LRP1B: variants seen among roughly 807,000 people sequenced by gnomAD.
LRP1B encodes LDL receptor related protein 1B.
In LRP1B, 217 loss-of-function variants were observed where a neutral mutation model predicts 556.6. The ratio of observed to expected loss-of-function variants is 0.39; its 90% CI spans 0.35 to 0.44. The LOEUF is 0.44. Among genes scored for constraint, LRP1B ranks in the 20% least tolerant of loss-of-function variants. LRP1B has a pLI of 1.00. For synonymous variants in LRP1B, 2,047 were observed against 1,865.8 expected, an observed-to-expected ratio of 1.10 and a Z score of -2.50; for missense variants, 5,053 against 5,620.8, an observed-to-expected ratio of 0.90 and a Z score of 3.23.
At chr2:140,438,357 TTATAAGG>T (rs1336871752) in intron 66 of LRP1B, among the ~76,000 whole-genome samples, 2 of 152,044 alleles carry the variant, frequency 1.3e-5, no homozygotes, top group Non-Finnish European at 2.9e-5. Context: ...GAAAAAAGAG[TTATAAGG>T]TATAAGAATA....
chr2:141,192,621 G>A (rs1681567191), intron 6 of LRP1B, among the ~76,000 whole-genome samples: 1 of 151,026 alleles, frequency 6.6e-6, no homozygotes, highest in African/African-American at 2.4e-5. Context: ...AAAGTCACCT[G>A]GATTTTGCTC....
intron 23 of LRP1B, among the ~76,000 whole-genome samples, chr2:140,895,561 G>C (rs138623850): frequency 2.6e-5 from 4 of 152,150 alleles, no homozygotes; most frequent in Admixed American, 1.3e-4. Flanking sequence ...GCATGTTACC[G>C]TGCGCTCTTT....
intron 66 of LRP1B, among the ~76,000 whole-genome samples, chr2:140,411,644 T>C (rs932869868): frequency 1.3e-5 from 2 of 152,110 alleles, no homozygotes; most frequent in African/African-American, 2.4e-5. Context: ...GTTACTTATA[T>C]GGAGAAATGA....
In LRP1B at chr2:141,486,939, T is replaced by C. The variant is rs1178104168; in HGVS notation, c.206-6406A>G. Among the ~76,000 whole-genome samples the C allele has an allele frequency of 2.0e-5, 3 of 152,164 alleles. No homozygotes were observed. The East Asian group carries it at 5.8e-4, about 29-fold the overall frequency. On this transcript the variant is annotated intron_variant, in intron 2 of 90. Coordinates refer to ENST00000389484, the MANE Select transcript of LRP1B (RefSeq NM_018557.3). ...AGGGCCTCTGTGGTCCCGGCCACAG[T>C]GAAGCCAGAGACATGCGAAGTCCTC...
Position 141,480,507 on chromosome 2 carries a change from G to T in LRP1B, c.232C>A (p.Pro78Thr), listed in dbSNP as rs752565610. The T allele has an allele frequency of 4.8e-5, 78 of 1,613,726 alleles. No homozygotes were observed. Among genetic ancestry groups the T allele is most frequent in the Non-Finnish European group, 5.8e-5 (68 of 1,179,902 alleles). Residue 78 changes from proline (P) to threonine (T), a missense_variant, in exon 3 of 91, where the codon CCC becomes ACC. Around this residue, in one of 5 missense-constraint regions of LRP1B, gnomAD observed 3,619 missense variants for 3,931.9 expected, o/e 0.92. Coordinates refer to ENST00000389484, the MANE Select transcript of LRP1B (RefSeq NM_018557.3). ...TCPEEVEIKC[P>T]LNHIACLGTN... ...CCAAGGCAAGCAATGTGATTCAAGG[G>T]GCACTTGATTTCTACCTCCTCGGGA...
chr2:140,603,741 G>A (rs1414800089), intron 41 of LRP1B, among the ~76,000 whole-genome samples: 2 of 152,004 alleles, frequency 1.3e-5, no homozygotes, highest in African/African-American at 2.4e-5. Context: ...TGTAATAGAT[G>A]ATAAACAGAA....
At chr2:140,377,354 C>T (rs560513191) in intron 68 of LRP1B, among the ~76,000 whole-genome samples, 73 of 152,248 alleles carry the variant, frequency 4.8e-4, no homozygotes, top group African/African-American at 1.7e-3. Flanking sequence ...GGATTACAGG[C>T]GTAAGCCACC....
chr2:140,550,558 G>A (rs1298816035), intron 43 of LRP1B, among the ~76,000 whole-genome samples: 3 of 152,158 alleles, frequency 2.0e-5, no homozygotes, highest in South Asian at 2.1e-4. Context: ...CAATGTAAGT[G>A]CAGGACACAC....
chr2:140,580,494 G>C (rs1300368203), intron 43 of LRP1B, among the ~76,000 whole-genome samples: 1 of 152,036 alleles, frequency 6.6e-6, no homozygotes, highest in Non-Finnish European at 1.5e-5. Context: ...TCTTAAGTTT[G>C]AAAAAATGAT....
chr2:140,484,581 T>A (rs572886496), intron 59 of LRP1B, among the ~76,000 whole-genome samples: 1 of 152,200 alleles, frequency 6.6e-6, no homozygotes, highest in Non-Finnish European at 1.5e-5. Context: ...TCTCCAAAGA[T>A]CATTTTGGAG....
At chr2:141,552,725 TG>T in intron 2 of LRP1B, among the ~76,000 whole-genome samples, 1 of 152,058 alleles carries the variant, frequency 6.6e-6, no homozygotes, top group South Asian at 2.1e-4. Context: ...GAAAAATGTA[TG>T]GTGGGATTAT....
intron 77 of LRP1B, among the ~76,000 whole-genome samples, chr2:140,341,132 C>T (rs143470304): frequency 5.1e-4 from 78 of 151,612 alleles, no homozygotes; most frequent in African/African-American, 1.7e-3. Context: ...ATATGATATA[C>T]ACAAAATAAA....
chr2:140,881,209 T>C (rs1033182256), intron 25 of LRP1B, among the ~76,000 whole-genome samples: 13 of 151,846 alleles, frequency 8.6e-5, no homozygotes, highest in African/African-American at 2.2e-4. Flanking sequence ...AATAAAATTA[T>C]ATTTCAATGT....
chr2:141,314,056 C>T (rs1004252843), intron 3 of LRP1B, among the ~76,000 whole-genome samples: 4 of 152,130 alleles, frequency 2.6e-5, no homozygotes, highest in African/African-American at 7.2e-5. Context: ...CACACTGATA[C>T]TTTTCTCAAC....
intron 7 of LRP1B, among the ~76,000 whole-genome samples, chr2:141,169,997 G>A (rs991791825): frequency 6.6e-6 from 1 of 151,878 alleles, no homozygotes; most frequent in Non-Finnish European, 1.5e-5. Flanking sequence ...CTCATGGTGT[G>A]GGGTTAAATC....
chr2:141,575,771 C>T (rs1304901646), intron 2 of LRP1B, among the ~76,000 whole-genome samples: 1 of 151,350 alleles, frequency 6.6e-6, no homozygotes, highest in African/African-American at 2.4e-5. Context: ...AAAAACAACT[C>T]CGTCAAAAAG....
chr2:141,451,169 C>T (rs572487872), intron 3 of LRP1B, among the ~76,000 whole-genome samples: 30 of 152,238 alleles, frequency 2.0e-4, no homozygotes, highest in African/African-American at 7.2e-4. Flanking sequence ...GTGTAGGACC[C>T]AGGAGTGTTT....
intron 66 of LRP1B, among the ~76,000 whole-genome samples, chr2:140,392,055 G>A (rs1316917778): frequency 2.0e-5 from 3 of 152,040 alleles, no homozygotes; most frequent in Admixed American, 6.6e-5. Context: ...TCTCTGAAAT[G>A]GTAATAAAAG....
At chr2:141,095,600 C>T (rs1700277792) in intron 7 of LRP1B, among the ~76,000 whole-genome samples, 2 of 151,264 alleles carry the variant, frequency 1.3e-5, no homozygotes, top group East Asian at 1.9e-4. Flanking sequence ...TAGTTCTGTT[C>T]AATTTCAATT....
Sources: gnomAD v4.1 joint callset for allele counts (sites outside exome capture counted in the v4.1 genomes callset) on GRCh38, gnomAD v4.1.1 for gene constraint, gnomAD v4.1.1 regional missense constraint, MANE v1.5 for transcripts, NCBI Gene and HGNC (gene_info 2026-07-23, HGNC 2026-07-21) for gene names.